PRKN: variants seen among roughly 807,000 people sequenced by gnomAD.
PRKN encodes E3 ubiquitin-protein ligase parkin.
PRKN carries 56 observed loss-of-function variants against 59.5 expected under a neutral mutation model. The observed-to-expected ratio is 0.94, with a 90% CI of 0.76 to 1.18. PRKN has a LOEUF of 1.18. PRKN is among the 50% of genes most tolerant of loss of function. The probability of loss-of-function intolerance (pLI) is 0.00; values close to 1 mark genes in which losing one functional copy is unlikely to be tolerated. For missense variants in PRKN, 657 were observed against 596.4 expected, an observed-to-expected ratio of 1.10 and a Z score of -1.06; for synonymous variants, 250 against 222.1, an observed-to-expected ratio of 1.13 and a Z score of -1.12.
intron 5 of PRKN, among the ~76,000 whole-genome samples, chr6:162,032,780 C>T (rs149853712): frequency 6.6e-6 from 1 of 152,290 alleles, no homozygotes; most frequent in Non-Finnish European, 1.5e-5. Flanking sequence ...TGACTCATCT[C>T]TGATGTGTGG....
chr6:161,791,200 CAA>C (rs1194945112), intron 6 of PRKN, among the ~76,000 whole-genome samples: 3 of 151,958 alleles, frequency 2.0e-5, no homozygotes, highest in Non-Finnish European at 1.5e-5. Context: ...TTGACAATGC[CAA>C]AGAGTTATTT....
In PRKN at chr6:161,466,342, G is replaced by A. The variant is rs1790474425; in HGVS notation, c.1084-79465C>T. Among the ~76,000 whole-genome samples, 1 of 151,836 alleles carries A rather than the reference G, an allele frequency of 6.6e-6. No homozygotes were observed. Among genetic ancestry groups the A allele is most frequent in the African/African-American group, 2.4e-5 (1 of 41,356 alleles). ...ACTTTTAGTAATTTTCTTCACTTAGGTTTTTTTTGATCTCAGCTCTCTGAT... is the reference window on the plus strand; with the variant it reads ...ACTTTTAGTAATTTTCTTCACTTAGATTTTTTTTGATCTCAGCTCTCTGAT... On this transcript the variant is annotated intron_variant, in intron 9 of 11. Transcript: ENST00000366898. The surrounding 1 kb of genome is among the most constrained non-coding windows in gnomAD (Gnocchi z 5.0).
intron 1 of PRKN, among the ~76,000 whole-genome samples, chr6:162,532,752 C>A (rs190808644): frequency 6.6e-6 from 1 of 152,164 alleles, no homozygotes; most frequent in Non-Finnish European, 1.5e-5. Context: ...TTATCTGTAT[C>A]GGAAGCAAAA....
chr6:162,334,376 T>C (rs1026835317), intron 2 of PRKN, among the ~76,000 whole-genome samples: 2 of 152,218 alleles, frequency 1.3e-5, no homozygotes, highest in Non-Finnish European at 2.9e-5. Context: ...CAAATGCAGC[T>C]GGTTTAAAGC....
At chr6:162,001,750 A>T (rs935189873) in intron 5 of PRKN, among the ~76,000 whole-genome samples, 7 of 151,516 alleles carry the variant, frequency 4.6e-5, no homozygotes, top group Non-Finnish European at 1.0e-4. Flanking sequence ...CAAAGAGTCT[A>T]GCTTCTCACC....
At position 162,344,452 on chromosome 6, in the gene PRKN, TATG is replaced by T. The variant is rs555730191; in HGVS notation, c.172-81690_172-81688del. On this transcript the variant is annotated intron_variant, in intron 2 of 11. Coordinates refer to ENST00000366898, the MANE Select transcript of PRKN (RefSeq NM_004562.3). ...TGATTCTATGAATCATATAGCAGCATATGATATTAGTTATTAGCTGAAATGATG... is the reference window on the plus strand; with the variant it reads ...TGATTCTATGAATCATATAGCAGCATATATTAGTTATTAGCTGAAATGATG... 2.0e-3 allele frequency among the ~76,000 whole-genome samples: 299 copies of T among 152,210 alleles called. 1 individual carries two copies. The highest frequency in any genetic ancestry group is 6.9e-3 in the African/African-American group (286 of 41,544).
intron 2 of PRKN, among the ~76,000 whole-genome samples, chr6:162,401,136 A>T (rs528903733): frequency 7.9e-5 from 12 of 152,238 alleles, no homozygotes; most frequent in Admixed American, 7.8e-4. Flanking sequence ...TTCATGCCAA[A>T]ATGTGGCAAA....
chr6:161,881,666 A>G (rs1794940774), intron 6 of PRKN, among the ~76,000 whole-genome samples: 1 of 152,200 alleles, frequency 6.6e-6, no homozygotes, highest in South Asian at 2.1e-4. Flanking sequence ...TTCAACAATA[A>G]GGTTACATTT....
At chr6:161,537,181 C>T (rs558304053) in intron 9 of PRKN, among the ~76,000 whole-genome samples, 18 of 152,310 alleles carry the variant, frequency 1.2e-4, no homozygotes, top group African/African-American at 3.8e-4. Flanking sequence ...AGCTTTTCTA[C>T]GTACTTCCTA....
chr6:161,351,707 T>C (rs9458229), intron 11 of PRKN, among the ~76,000 whole-genome samples: 56,962 of 151,988 alleles, frequency 0.37, 11,390 homozygotes, highest in African/African-American at 0.49. Context: ...AAGGAAGTAA[T>C]TAATAATGCT....
chr6:162,440,062 A>G (rs1789979016), intron 2 of PRKN, among the ~76,000 whole-genome samples: 1 of 151,926 alleles, frequency 6.6e-6, no homozygotes, highest in Non-Finnish European at 1.5e-5. Context: ...AAGTATGCCT[A>G]CTCCAGCTTC....
intron 2 of PRKN, among the ~76,000 whole-genome samples, chr6:162,268,277 T>A (rs943562071): frequency 2.0e-5 from 3 of 152,140 alleles, no homozygotes; most frequent in Admixed American, 6.6e-5. Context: ...AGAAGGTGAT[T>A]AAATCATGAT....
chr6:162,637,615 A>G (rs1456501752), intron 1 of PRKN, among the ~76,000 whole-genome samples: 1 of 152,106 alleles, frequency 6.6e-6, no homozygotes, highest in Non-Finnish European at 1.5e-5. Context: ...GAAGAAGTAA[A>G]AACTTTGACC....
chr6:161,367,745 A>G (rs1475032), intron 10 of PRKN, among the ~76,000 whole-genome samples: 56,077 of 152,004 alleles, frequency 0.37, 12,583 homozygotes, highest in African/African-American at 0.63. Context: ...GGCGGGTCCG[A>G]GACCCTGCTG....
chr6:161,499,348 T>C lies in PRKN; in HGVS notation c.1083+49506A>G, dbSNP rs1386942735. On this transcript the variant is annotated intron_variant, in intron 9 of 11. Transcript: ENST00000366898. The surrounding 1 kb of genome is among the most constrained non-coding windows in gnomAD (Gnocchi z 4.2). ...GAAATATTTCTGTCCCATGTCTCTA[T>C]CAAAAGTGGGAAAGGGCTGTGTTTT... is the stretch of plus-strand genomic sequence containing the variant. 6.6e-6 allele frequency among the ~76,000 whole-genome samples: 1 copy of C among 152,198 alleles called. No individual in the cohort carries two copies. Among genetic ancestry groups the C allele is most frequent in the African/African-American group, 2.4e-5 (1 of 41,456 alleles).
chr6:161,827,967 G>A (rs569795423), intron 6 of PRKN, among the ~76,000 whole-genome samples: 138 of 152,212 alleles, frequency 9.1e-4, no homozygotes, highest in African/African-American at 3.2e-3. Flanking sequence ...GAGTGCCACC[G>A]TTCTGCTCAT....
At chr6:162,080,421 C>T (rs1361923545) in intron 4 of PRKN, among the ~76,000 whole-genome samples, 1 of 152,080 alleles carries the variant, frequency 6.6e-6, no homozygotes, top group Non-Finnish European at 1.5e-5. Context: ...GTTGGAGATA[C>T]TGTGGGTTCA....
At chr6:161,358,591 GGCTA>G (rs1784855046) in intron 11 of PRKN, among the ~76,000 whole-genome samples, 2 of 151,972 alleles carry the variant, frequency 1.3e-5, no homozygotes, top group African/African-American at 4.8e-5. Context: ...CCCCAGCCTG[GGCTA>G]CAGATCAAGA....
chr6:162,326,950 T>C (rs1783314278), intron 2 of PRKN, among the ~76,000 whole-genome samples: 1 of 152,168 alleles, frequency 6.6e-6, no homozygotes, highest in Non-Finnish European at 1.5e-5. Context: ...TACATCAAAA[T>C]TTTTCTCTAA....
Sources: allele counts gnomAD v4.1 joint callset (sites outside exome capture counted in the v4.1 genomes callset), GRCh38; gene constraint gnomAD v4.1.1; non-coding constraint Gnocchi (gnomAD v3.1); transcripts MANE v1.5; gene names NCBI Gene and HGNC (gene_info 2026-07-23, HGNC 2026-07-21).